The following EFCAB13 variants were observed in gnomAD, a reference collection of about 807,000 sequenced individuals.
EFCAB13 encodes the protein EF-hand calcium-binding domain-containing protein 13.
A neutral mutation model predicts 110.2 loss-of-function variants in EFCAB13; 91 were observed. The ratio of observed to expected loss-of-function variants is 0.83; its 90% CI spans 0.70 to 0.98. EFCAB13 has a LOEUF of 0.98. Among genes scored for constraint, EFCAB13 ranks in the 50% least tolerant of loss-of-function variants. The probability of loss-of-function intolerance (pLI) is 0.00; values close to 1 mark genes in which losing one functional copy is unlikely to be tolerated. For missense variants in EFCAB13, 968 were observed against 1,119.4 expected, an observed-to-expected ratio of 0.86 and a Z score of 1.93; for synonymous variants, 323 against 369.9, an observed-to-expected ratio of 0.87 and a Z score of 1.45.
In EFCAB13 at chr17:47,331,803, T is replaced by C. The variant is rs138220826; in HGVS notation, c.31-3393T>C. 3.9e-4 allele frequency among the ~76,000 whole-genome samples: 59 copies of C among 152,298 alleles called. 1 individual carries two copies. In the East Asian group the frequency reaches 0.011, roughly 27 times the overall value. On this transcript the variant is annotated intron_variant, in intron 4 of 24. Transcript: ENST00000331493. ...CCATAGTTTTGCCTTTTCCAGAATG[T>C]CATATAGTTGGAATTATACAATATG...
At chr17:47,356,971 T>G (rs550636989) in intron 9 of EFCAB13, among the ~76,000 whole-genome samples, 1 of 152,308 alleles carries the variant, frequency 6.6e-6, no homozygotes, top group South Asian at 2.1e-4. Flanking sequence ...GGATTATGGC[T>G]GCCTCTGCTG....
At chr17:47,386,725 G>A (rs542235627) in intron 14 of EFCAB13, among the ~76,000 whole-genome samples, 4 of 152,180 alleles carry the variant, frequency 2.6e-5, no homozygotes, top group African/African-American at 7.2e-5. Context: ...CCAAACAGCC[G>A]CCCAGTTTTA....
chr17:47,351,302 T>TAC (rs1567784769), intron 9 of EFCAB13, among the ~76,000 whole-genome samples: 445 of 101,684 alleles, frequency 4.4e-3, no homozygotes, highest in African/African-American at 0.012. Context: ...TGTGTGTGTG[T>TAC]GTGCGCGCGC....
rs189408023 is a variant in EFCAB13 at position 47,393,873 on chromosome 17, T to C, written c.1727-152T>C. 53 of 356,720 alleles carry C rather than the reference T, an allele frequency of 1.5e-4. No individual in the cohort carries two copies. In the East Asian group the frequency reaches 1.7e-3, roughly 11 times the overall value. The allele number at this position is 356,720 out of a possible 1,614,324, so 22.1% of individuals were successfully genotyped here. A position where few individuals can be genotyped will look rare whatever the true frequency, so the allele number is the denominator to read the frequency against. On this transcript the variant is annotated intron_variant, in intron 15 of 24. Transcript: ENST00000331493. ...CTTCTCTACTGTAAATTGATTTGCT[T>C]TTCCCCTTTATACCCATATATTTTT...
chr17:47,369,951 T>C (rs905392914), intron 10 of EFCAB13: 2 of 157,596 alleles, frequency 1.3e-5, no homozygotes, highest in African/African-American at 4.8e-5. Context: ...TGTTTGCTAT[T>C]CACTATGTAG....
At chr17:47,327,819 C>T (rs1455377281) in intron 3 of EFCAB13, among the ~76,000 whole-genome samples, 1 of 152,178 alleles carries the variant, frequency 6.6e-6, no homozygotes, top group Non-Finnish European at 1.5e-5. Context: ...CTGAAGACCA[C>T]AGGCTTGGAG....
intron 23 of EFCAB13, among the ~76,000 whole-genome samples, chr17:47,419,529 G>T (rs946152796): frequency 6.6e-6 from 1 of 152,142 alleles, no homozygotes; most frequent in Non-Finnish European, 1.5e-5. Flanking sequence ...AGTGAGCTGT[G>T]ATCACGCTGC....
At position 47,344,304 on chromosome 17, in the gene EFCAB13, C is replaced by T. The variant is rs757967112; in HGVS notation, c.434+12C>T. 3 of 1,607,184 alleles carry T rather than the reference C, an allele frequency of 1.9e-6. No individual in the cohort carries two copies. The highest frequency in any genetic ancestry group is 2.2e-5 in the East Asian group (1 of 44,662). ...TCTGCAATTACTCGGTATTTAAATC[C>T]TTGTACTCTATTTTTTAAATGTTGG... is the stretch of plus-strand genomic sequence containing the variant. On this transcript the variant is annotated intron_variant, in intron 7 of 24. Transcript: ENST00000331493.
At chr17:47,419,608 A>G (rs1326072628) in intron 23 of EFCAB13, among the ~76,000 whole-genome samples, 3 of 152,140 alleles carry the variant, frequency 2.0e-5, no homozygotes, top group Non-Finnish European at 4.4e-5. Context: ...AATAATAAAT[A>G]TTTGTAGCTT....
At chr17:47,426,405 G>A (rs1904959267) in intron 23 of EFCAB13, among the ~76,000 whole-genome samples, 1 of 152,162 alleles carries the variant, frequency 6.6e-6, no homozygotes, top group Non-Finnish European at 1.5e-5. Flanking sequence ...TCATAGTTAT[G>A]TCCAAAGAAT....
At chr17:47,335,735 CATAT>C (rs2065345872) in intron 5 of EFCAB13, among the ~76,000 whole-genome samples, 1 of 152,130 alleles carries the variant, frequency 6.6e-6, no homozygotes, top group African/African-American at 2.4e-5. Context: ...GGGGAGCAAG[CATAT>C]CTTCACAAGG....
intron 5 of EFCAB13, among the ~76,000 whole-genome samples, chr17:47,337,009 A>G (rs1283717233): frequency 6.6e-6 from 1 of 152,250 alleles, no homozygotes; most frequent in Non-Finnish European, 1.5e-5. Flanking sequence ...AGAGGCACCT[A>G]AATAAAAATC....
At chr17:47,333,505 C>A (rs1240112958) in intron 4 of EFCAB13, among the ~76,000 whole-genome samples, 2 of 152,130 alleles carry the variant, frequency 1.3e-5, no homozygotes, top group African/African-American at 4.8e-5. Context: ...TCCAACAAAT[C>A]ATTCCCCAGA....
intron 9 of EFCAB13, among the ~76,000 whole-genome samples, chr17:47,354,382 T>C (rs1237919819): frequency 6.6e-6 from 1 of 152,202 alleles, no homozygotes; most frequent in Non-Finnish European, 1.5e-5. Context: ...AAATTTCTGT[T>C]AGATCAATTT....
chr17:47,367,513 G>A (rs959285690), intron 10 of EFCAB13, among the ~76,000 whole-genome samples: 4 of 152,188 alleles, frequency 2.6e-5, no homozygotes, highest in Non-Finnish European at 4.4e-5. Flanking sequence ...AGAAGGAGCC[G>A]GGTGGAGCTG....
intron 17 of EFCAB13, among the ~76,000 whole-genome samples, chr17:47,399,653 C>A (rs2065768425): frequency 6.6e-6 from 1 of 151,698 alleles, no homozygotes; most frequent in Non-Finnish European, 1.5e-5. Context: ...AAAAAAAACC[C>A]TGAAAAACAA....
chr17:47,387,900 A>G (rs912149341), intron 14 of EFCAB13, among the ~76,000 whole-genome samples: 3 of 152,230 alleles, frequency 2.0e-5, no homozygotes, highest in Admixed American at 2.0e-4. Flanking sequence ...TTTTAAACCC[A>G]GATTTGCCTT....
chr17:47,379,232 C>A lies in EFCAB13; in HGVS notation c.1561C>A (p.Arg521=). ...DDFVNALAKE[R]SFPECNALPG... Reference sequence around the variant, plus strand: ...CTTTGTAAATGCTCTCGCCAAGGAGCGAAGTTTTCCTGAATGCAATGGTAG... The same window carrying A: ...CTTTGTAAATGCTCTCGCCAAGGAGAGAAGTTTTCCTGAATGCAATGGTAG... Residue 521 remains arginine, a synonymous_variant, in exon 14 of 25, where the codon CGA becomes AGA. Coordinates refer to ENST00000331493, the MANE Select transcript of EFCAB13 (RefSeq NM_152347.5). The A allele has an allele frequency of 6.2e-7, 1 of 1,612,936 alleles. No individual in the cohort carries two copies. Among genetic ancestry groups the A allele is most frequent in the Non-Finnish European group, 8.5e-7 (1 of 1,179,266 alleles).
intron 19 of EFCAB13, 76 bp downstream of exon 19, chr17:47,404,097 G>C (rs2143449851): frequency 8.7e-7 from 1 of 1,152,042 alleles, no homozygotes; most frequent in East Asian, 2.5e-5. Flanking sequence ...ATAGGTATTT[G>C]CTTATGTTAC....
Sources: allele counts gnomAD v4.1 joint callset (sites outside exome capture counted in the v4.1 genomes callset), GRCh38; gene constraint gnomAD v4.1.1; transcripts MANE v1.5; gene names NCBI Gene and HGNC (gene_info 2026-07-23, HGNC 2026-07-21).